AHDC1: variants seen among roughly 807,000 people sequenced by gnomAD.
AHDC1 encodes the protein transcription factor Gibbin.
In AHDC1, 7 loss-of-function variants were observed where a neutral mutation model predicts 87.9. The observed-to-expected ratio is 0.08, with a 90% confidence interval of 0.05 to 0.15. The LOEUF is 0.15. AHDC1 is among the 10% of genes least tolerant of loss of function. The probability of loss-of-function intolerance (pLI) is 1.00; values close to 1 mark genes in which losing one functional copy is unlikely to be tolerated. For synonymous variants in AHDC1, 1,051 were observed against 1,006.8 expected (o/e 1.04, Z -0.83); for missense variants, 1,841 against 2,253.2 (o/e 0.82, Z 3.70).
rs10665483 is a variant in AHDC1 at position 27,560,224 on chromosome 1, G to GTC, written c.-628-1342_-628-1341insGA. Among the ~76,000 whole-genome samples the GTC allele has an allele frequency of 2.6e-5, 4 of 151,680 alleles. No individual in the cohort carries two copies. The highest frequency in any genetic ancestry group is 9.7e-5 in the African/African-American group (4 of 41,176). ...TTTGTGTGTGTGTGTGTGTGTGTGT[G>GTC]AGTCTAGCTAAGCCTGTTTGTGTGT... On this transcript the variant is annotated intron_variant, in intron 3 of 8. Transcript: ENST00000673934. The surrounding 1 kb of genome is among the most constrained non-coding windows in gnomAD (Gnocchi z 4.1).
rs186128460 is a variant in AHDC1, at chr1:27,545,280, G to A, written c.*43+1981C>T. 1.2e-4 allele frequency among the ~76,000 whole-genome samples: 19 copies of A among 152,184 alleles called. No individual in the cohort carries two copies. The East Asian group carries it at 3.5e-3, about 28-fold the overall frequency. On this transcript the variant is annotated intron_variant, in intron 8 of 8. Coordinates refer to ENST00000673934, the MANE Select transcript of AHDC1 (RefSeq NM_001371928.1). ...CCTCATTTGTGGTGTTCACTGTGGT[G>A]CCCCCAATGCCTGGCTTCTAGTGGG...
chr1:27,591,855 G>A (rs2089231464), intron 3 of AHDC1, among the ~76,000 whole-genome samples: 1 of 152,214 alleles, frequency 6.6e-6, no homozygotes, highest in Non-Finnish European at 1.5e-5. Flanking sequence ...GAAAATGCAT[G>A]CAAAGGCCTT....
intron 3 of AHDC1, among the ~76,000 whole-genome samples, chr1:27,579,212 T>A (rs979790507): frequency 2.8e-4 from 43 of 152,158 alleles, no homozygotes; most frequent in African/African-American, 9.4e-4. Context: ...CTTTTTAACG[T>A]TTTTGTAGAG....
At chr1:27,572,678 T>A (rs752372710) in intron 3 of AHDC1, among the ~76,000 whole-genome samples, 7 of 152,214 alleles carry the variant, frequency 4.6e-5, no homozygotes, top group Admixed American at 1.3e-4. Context: ...CCACGCAGTG[T>A]GGGACTGTGC....
At chr1:27,553,643 C>T (rs1247485346) in intron 5 of AHDC1, 1 of 152,184 alleles carries the variant, frequency 6.6e-6, no homozygotes, top group African/African-American at 2.4e-5. Context: ...ATTATCCTCC[C>T]CAGTCTTACA....
rs909740904 is a variant in AHDC1 at position 27,562,124 on chromosome 1, G to A, written c.-628-3241C>T. ...GCGAAGCAGAGGCAGGGTGGGCCGG[G>A]GAGAAGGGCCGAGGGGAGGCCTGTG... is the stretch of plus-strand genomic sequence containing the variant. On this transcript the variant is annotated intron_variant, in intron 3 of 8. Transcript: ENST00000673934. This position sits in a 1 kb window ranked among gnomAD's most constrained non-coding sequence, Gnocchi z 4.4. 6.6e-6 allele frequency among the ~76,000 whole-genome samples: 1 copy of A among 152,090 alleles called. No homozygotes were observed. Among genetic ancestry groups the A allele is most frequent in the Admixed American group, 6.5e-5 (1 of 15,282 alleles).
intron 8 of AHDC1, among the ~76,000 whole-genome samples, chr1:27,543,428 C>G (rs2019018184): frequency 6.6e-6 from 1 of 152,248 alleles, no homozygotes; most frequent in Non-Finnish European, 1.5e-5. Context: ...CCACAGCTCT[C>G]AGATCAGTCA....
At chr1:27,581,524 C>T (rs1557697612) in intron 3 of AHDC1, among the ~76,000 whole-genome samples, 1 of 152,018 alleles carries the variant, frequency 6.6e-6, no homozygotes, top group Non-Finnish European at 1.5e-5. Context: ...TGGGCAGATC[C>T]AAGGCCAGAA....
intron 3 of AHDC1, among the ~76,000 whole-genome samples, chr1:27,584,244 C>A (rs181771570): frequency 2.6e-5 from 4 of 152,302 alleles, no homozygotes; most frequent in Admixed American, 2.6e-4. Context: ...CATTCCCATC[C>A]TTATCTGCTC....
At position 27,550,330 on chromosome 1, in the gene AHDC1, A is replaced by G; in HGVS notation, c.1786T>C (p.Ser596Pro). Residue 596 changes from serine (S) to proline (P), a missense_variant, in exon 8 of 9, where the codon TCT becomes CCT. Ser to Pro is a moderately conservative substitution (Grantham distance 74, BLOSUM62 -1). Coordinates refer to ENST00000673934, the MANE Select transcript of AHDC1 (RefSeq NM_001371928.1). ...TCTGCTGCATAGGATGGCTGGGGAGATGCCAGCTTCTGCTTCCGCCGCCGT... is the reference window on the plus strand; with the variant it reads ...TCTGCTGCATAGGATGGCTGGGGAGGTGCCAGCTTCTGCTTCCGCCGCCGT... ...KRRRRKQKLA[S>P]PQPSYAADAN... is the part of the protein sequence containing the mutation. 1 of 1,613,972 alleles carries G rather than the reference A, an allele frequency of 6.2e-7. No individual in the cohort carries two copies. Among genetic ancestry groups the G allele is most frequent in the Non-Finnish European group, 8.5e-7 (1 of 1,179,962 alleles).
At chr1:27,539,908 C>T (rs757719472) in intron 8 of AHDC1, among the ~76,000 whole-genome samples, 1 of 152,182 alleles carries the variant, frequency 6.6e-6, no homozygotes, top group Non-Finnish European at 1.5e-5. Flanking sequence ...TCTACCACCT[C>T]TCAGAGCCTC....
chr1:27,566,405 A>G (rs905513134), intron 3 of AHDC1, among the ~76,000 whole-genome samples: 8 of 151,772 alleles, frequency 5.3e-5, no homozygotes, highest in African/African-American at 1.2e-4. Context: ...AAAAAGACAA[A>G]AGAGAGAGAC....
intron 3 of AHDC1, among the ~76,000 whole-genome samples, chr1:27,599,524 G>A (rs2089473279): frequency 1.3e-5 from 2 of 152,202 alleles, no homozygotes; most frequent in African/African-American, 2.4e-5. Flanking sequence ...GTGAGGTGGA[G>A]TGCAAACAGC....
intron 3 of AHDC1, among the ~76,000 whole-genome samples, chr1:27,568,920 C>CAG (rs2020446264): frequency 6.6e-6 from 1 of 152,098 alleles, no homozygotes; most frequent in Non-Finnish European, 1.5e-5. Context: ...AACATACCTA[C>CAG]AGCCGCACTC....
At chr1:27,587,177 T>C (rs905473039) in intron 3 of AHDC1, among the ~76,000 whole-genome samples, 1 of 152,166 alleles carries the variant, frequency 6.6e-6, no homozygotes, top group African/African-American at 2.4e-5. Context: ...ATTGCACAGA[T>C]GGGGAAACTG....
At chr1:27,589,212 G>C (rs1351496883) in intron 3 of AHDC1, among the ~76,000 whole-genome samples, 1 of 152,152 alleles carries the variant, frequency 6.6e-6, no homozygotes, top group African/African-American at 2.4e-5. Flanking sequence ...TAGGCAGGGA[G>C]GTCGAGGACG....
intron 8 of AHDC1, among the ~76,000 whole-genome samples, chr1:27,544,131 C>T (rs1421909852): frequency 6.6e-6 from 1 of 152,080 alleles, no homozygotes; most frequent in South Asian, 2.1e-4. Context: ...TTCAGAGCTG[C>T]ACCCATTTCC....
At chr1:27,554,444 C>T (rs72884693) in intron 5 of AHDC1, among the ~76,000 whole-genome samples, 4,348 of 152,212 alleles carry the variant, frequency 0.029, 197 homozygotes, top group African/African-American at 0.098. Context: ...TCTTGTTTAT[C>T]GCTGTATCAC....
rs1475749451 is a variant in AHDC1 at position 27,561,789 on chromosome 1, CAGAGACAG to C, written c.-628-2914_-628-2907del. Among the ~76,000 whole-genome samples, 4 of 151,816 alleles carry C rather than the reference CAGAGACAG, an allele frequency of 2.6e-5. No individual in the cohort carries two copies. Among genetic ancestry groups the C allele is most frequent in the African/African-American group, 9.7e-5 (4 of 41,288 alleles). On this transcript the variant is annotated intron_variant, in intron 3 of 8. Coordinates refer to ENST00000673934, the MANE Select transcript of AHDC1 (RefSeq NM_001371928.1). This position sits in a 1 kb window ranked among gnomAD's most constrained non-coding sequence, Gnocchi z 4.2. ...AGACACAGAGACATGGGGAGAGAAA[CAGAGACAG>C]AGAGACAGAGAAAGACAGAAACTGG...
Sources: gnomAD v4.1 joint callset for allele counts (sites outside exome capture counted in the v4.1 genomes callset) on GRCh38, gnomAD v4.1.1 for gene constraint, Gnocchi (gnomAD v3.1) non-coding constraint, MANE v1.5 for transcripts, NCBI Gene and HGNC (gene_info 2026-07-23, HGNC 2026-07-21) for gene names.